HEMK2: variants seen among roughly 807,000 people sequenced by gnomAD.
HEMK2 encodes the protein methyltransferase HEMK2.
the HEMK2 span, chr21:28,878,282 C>T: frequency 7.4e-5 from 120 of 1,612,514 alleles, 6 homozygotes; most frequent in South Asian, 1.3e-3. Context: ...TCCATGACTT[C>T]CCGACCATTT....
At chr21:28,688,955 C>T in the HEMK2 span, among the ~76,000 whole-genome samples, 5 of 152,076 alleles carry the variant, frequency 3.3e-5, no homozygotes, top group African/African-American at 1.2e-4. Flanking sequence ...TGCTGTCAGG[C>T]TACAATGGCA....
At chr21:28,841,458 T>C in the HEMK2 span, among the ~76,000 whole-genome samples, 1 of 102,194 alleles carries the variant, frequency 9.8e-6, no homozygotes, top group Admixed American at 1.6e-4. Context: ...ATATTATATA[T>C]AATATATATG....
At chr21:28,628,817 C>G in the HEMK2 span, among the ~76,000 whole-genome samples, 2 of 152,208 alleles carry the variant, frequency 1.3e-5, no homozygotes, top group East Asian at 3.9e-4. Context: ...CTGCCATTGG[C>G]TTTTTCAGAA....
chr21:28,830,551 A>C, the HEMK2 span, among the ~76,000 whole-genome samples: 1 of 152,152 alleles, frequency 6.6e-6, no homozygotes, highest in Admixed American at 6.6e-5. Context: ...AGACTCTACA[A>C]TATCTTCAAA....
the HEMK2 span, among the ~76,000 whole-genome samples, chr21:28,598,815 G>T: frequency 2.0e-5 from 3 of 152,322 alleles, no homozygotes; most frequent in Non-Finnish European, 4.4e-5. Context: ...AGTGAAAAGA[G>T]TTGCAGACAC....
chr21:28,754,249 C>T, the HEMK2 span, among the ~76,000 whole-genome samples: 29,467 of 152,192 alleles, frequency 0.19, 3,578 homozygotes, highest in African/African-American at 0.34. Context: ...GAAATTCAAT[C>T]GGTACCAGCA....
the HEMK2 span, among the ~76,000 whole-genome samples, chr21:28,582,887 T>C: frequency 6.6e-6 from 1 of 152,206 alleles, no homozygotes; most frequent in Non-Finnish European, 1.5e-5. Context: ...TCCTGGTTGT[T>C]ATCTGAAAAC....
chr21:28,824,791 A>T, the HEMK2 span, among the ~76,000 whole-genome samples: 1 of 152,204 alleles, frequency 6.6e-6, no homozygotes, highest in Non-Finnish European at 1.5e-5. Flanking sequence ...TGTTGTTATT[A>T]TAAAGAAGGG....
chr21:28,805,108 C>T, the HEMK2 span, among the ~76,000 whole-genome samples: 1 of 152,172 alleles, frequency 6.6e-6, no homozygotes, highest in Admixed American at 6.6e-5. Flanking sequence ...AGCAAGGCAA[C>T]TGTGAGAATT....
At chr21:28,743,098 G>A in the HEMK2 span, 8 of 152,126 alleles carry the variant, frequency 5.3e-5, no homozygotes, top group African/African-American at 1.2e-4. Flanking sequence ...TGTCAAATGC[G>A]CTGCAGTGGT....
At chr21:28,602,346 G>A in the HEMK2 span, among the ~76,000 whole-genome samples, 1 of 151,896 alleles carries the variant, frequency 6.6e-6, no homozygotes, top group Non-Finnish European at 1.5e-5. Flanking sequence ...CAGTAAAACT[G>A]ACATACTTAT....
chr21:28,617,247 G>A, the HEMK2 span, among the ~76,000 whole-genome samples: 1 of 152,216 alleles, frequency 6.6e-6, no homozygotes, highest in African/African-American at 2.4e-5. Context: ...AAGATGGGAA[G>A]CAGTTTAGCA....
At chr21:28,649,506 T>C in the HEMK2 span, among the ~76,000 whole-genome samples, 1 of 152,198 alleles carries the variant, frequency 6.6e-6, no homozygotes, top group Non-Finnish European at 1.5e-5. Context: ...CAAAGTCGTT[T>C]CCCACAAGTA....
At chr21:28,741,862 C>T in the HEMK2 span, among the ~76,000 whole-genome samples, 444 of 152,238 alleles carry the variant, frequency 2.9e-3, 3 homozygotes, top group African/African-American at 9.9e-3. Flanking sequence ...GCAGTGAACA[C>T]ATGTGTGCCT....
chr21:28,876,231 T>G, the HEMK2 span: 1 of 454,084 alleles, frequency 2.2e-6, no homozygotes, highest in East Asian at 3.4e-5. Flanking sequence ...GTGCAAATAA[T>G]TCTATAGGCC....
the HEMK2 span, among the ~76,000 whole-genome samples, chr21:28,813,024 CT>C: frequency 6.6e-6 from 1 of 152,114 alleles, no homozygotes; most frequent in Non-Finnish European, 1.5e-5. Context: ...ATTCTTCTCT[CT>C]TTTTGAAAAC....
the HEMK2 span, among the ~76,000 whole-genome samples, chr21:28,784,179 G>A: frequency 2.0e-4 from 30 of 152,364 alleles, no homozygotes; most frequent in African/African-American, 5.0e-4. Flanking sequence ...CTCTGCCTGC[G>A]GCCCCGGTGT....
At chr21:28,775,293 G>C in the HEMK2 span, among the ~76,000 whole-genome samples, 6 of 152,156 alleles carry the variant, frequency 3.9e-5, no homozygotes, top group Non-Finnish European at 7.4e-5. Context: ...TATAGGTGAG[G>C]AGGCAGACAG....
chr21:28,839,000 T>TATATATATATATATATATATAC, the HEMK2 span, among the ~76,000 whole-genome samples: 50 of 57,964 alleles, frequency 8.6e-4, no homozygotes, highest in Admixed American at 1.8e-3. Context: ...TATATATATA[T>TATATATATATATATATATATAC]ACATATATAT....
Sources: allele counts gnomAD v4.1 joint callset (sites outside exome capture counted in the v4.1 genomes callset), GRCh38; gene constraint gnomAD v4.1.1; transcripts MANE v1.5; gene names NCBI Gene and HGNC (gene_info 2026-07-23, HGNC 2026-07-21).